Variants in POLR3E observed in about 807,000 individuals in gnomAD.
POLR3E encodes RNA polymerase III subunit E.
Under a neutral mutation model 96.6 loss-of-function variants are expected in POLR3E, and 41 were observed. That is an observed-to-expected ratio of 0.42 (90% CI 0.33 to 0.55). POLR3E has a LOEUF of 0.55. Among genes scored for constraint, POLR3E ranks in the 20% least tolerant of loss-of-function variants. The pLI is 0.06. For synonymous variants in POLR3E, 396 were observed against 383.6 expected (o/e 1.03, Z -0.38); for missense variants, 849 against 952.1 (o/e 0.89, Z 1.43).
At position 22,314,109 on chromosome 16, in the gene POLR3E, A is replaced by G. The variant is rs2048305435; in HGVS notation, c.503A>G (p.Asp168Gly). ...AGDSSQDEAEDDVKQITVRFS... is the reference protein window; with the variant it reads ...AGDSSQDEAEGDVKQITVRFS... ...GACTCTTCACAGGATGAGGCGGAAGACGATGTTAAGCAGATCACGGTGAGC... is the reference window on the plus strand; with the variant it reads ...GACTCTTCACAGGATGAGGCGGAAGGCGATGTTAAGCAGATCACGGTGAGC... The change falls in exon 8 of 21, where the codon GAC becomes GGC. Residue 168 changes from aspartate to glycine, a missense_variant. Physicochemically the swap from Asp to Gly is moderately conservative, Grantham distance 94. Transcript: ENST00000299853. The G allele has an allele frequency of 1.1e-5, 18 of 1,613,858 alleles. No homozygotes were observed. Among genetic ancestry groups the G allele is most frequent in the South Asian group, 3.3e-5 (3 of 91,056 alleles).
chr16:22,324,264 C>T, intron 14 of POLR3E, 90 bp from the exon 15 acceptor site: 2 of 1,046,972 alleles, frequency 1.9e-6, no homozygotes, highest in Admixed American at 1.8e-5. Context: ...GTCCCAGGCT[C>T]CAGCTCCCAG....
At chr16:22,311,268 C>CTTTTTTTTTTTTTTTTTTTTTTTTTTTT (rs57435708) in intron 6 of POLR3E, among the ~76,000 whole-genome samples, 1 of 109,464 alleles carries the variant, frequency 9.1e-6, no homozygotes, top group African/African-American at 3.6e-5. Flanking sequence ...TGTGCCCAGC[C>CTTTTTTTTTTTTTTTTTTTTTTTTTTTT]TTTTTTTTTT....
intron 1 of POLR3E, among the ~76,000 whole-genome samples, chr16:22,297,811 G>A (rs2047926731): frequency 6.6e-6 from 1 of 152,262 alleles, no homozygotes. Flanking sequence ...CCCTATCCGG[G>A]CCTGGGAGGC....
chr16:22,299,570 C>T (rs546747396), intron 1 of POLR3E, among the ~76,000 whole-genome samples: 8 of 151,786 alleles, frequency 5.3e-5, no homozygotes, highest in African/African-American at 1.4e-4. Flanking sequence ...TGCATCACCA[C>T]GCCTGGCTAA....
intron 13 of POLR3E, among the ~76,000 whole-genome samples, chr16:22,320,462 G>A (rs1299445996): frequency 6.6e-6 from 1 of 152,008 alleles, no homozygotes; most frequent in African/African-American, 2.4e-5. Flanking sequence ...GGGTTTTGCT[G>A]TGTTGGCCAG....
At chr16:22,325,490 G>A (rs2048561648) in intron 17 of POLR3E, 1 of 608,652 alleles carries the variant, frequency 1.6e-6, no homozygotes, top group Admixed American at 3.0e-5. Flanking sequence ...GCTGAGTCTG[G>A]GTTCCAGGTC....
rs1184518435 is a variant in POLR3E, at chr16:22,322,175, G to A, written c.987-675G>A. Among the ~76,000 whole-genome samples, 5 of 152,218 alleles carry A rather than the reference G, an allele frequency of 3.3e-5. No homozygotes were observed. The East Asian group carries it at 9.6e-4, about 29-fold the overall frequency. On this transcript the variant is annotated intron_variant, in intron 13 of 20. Coordinates refer to ENST00000299853, the MANE Select transcript of POLR3E (RefSeq NM_018119.4). The surrounding 1 kb of genome is among the most constrained non-coding windows in gnomAD (Gnocchi z 5.2). ...TGACAGTTGGTTGCCAGGTGGACCTGAGCAGGGGGAGGAGGAGGGCTTGGC... is the reference window on the plus strand; with the variant it reads ...TGACAGTTGGTTGCCAGGTGGACCTAAGCAGGGGGAGGAGGAGGGCTTGGC...
At chr16:22,317,842 G>A (rs1354805862) in intron 12 of POLR3E, among the ~76,000 whole-genome samples, 2 of 151,878 alleles carry the variant, frequency 1.3e-5, no homozygotes, top group African/African-American at 4.8e-5. Flanking sequence ...TGTCTTCACT[G>A]GCATTGCTTC....
chr16:22,317,718 T>G (rs1412660348), intron 12 of POLR3E, among the ~76,000 whole-genome samples: 1 of 151,804 alleles, frequency 6.6e-6, no homozygotes, highest in Non-Finnish European at 1.5e-5. Flanking sequence ...TTAAAGGTTT[T>G]GCTGTGTAAC....
intron 19 of POLR3E, among the ~76,000 whole-genome samples, chr16:22,331,231 G>A (rs1352780429): frequency 7.2e-5 from 11 of 151,928 alleles, no homozygotes; most frequent in African/African-American, 2.2e-4. Context: ...CGCCTGCCTC[G>A]GTCTCCCCAA....
intron 1 of POLR3E, chr16:22,298,958 G>A (rs2047964402): frequency 4.4e-6 from 2 of 455,794 alleles, no homozygotes; most frequent in Non-Finnish European, 8.8e-6. Flanking sequence ...CATAGTTGAG[G>A]AAACTGAAGC....
intron 20 of POLR3E, 46 bp from the exon 21 acceptor site, chr16:22,333,598 T>C (rs1295449609): frequency 7.6e-7 from 1 of 1,317,556 alleles, no homozygotes; most frequent in South Asian, 1.2e-5. Context: ...TGTAATTAGC[T>C]CCTTTTCCTG....
rs1259101441 is a variant in POLR3E at position 22,332,052 on chromosome 16, T to C, written c.1945-8T>C. On this transcript the variant is annotated splice_polypyrimidine_tract_variant and splice_region_variant and intron_variant, in intron 19 of 20. Coordinates refer to ENST00000299853, the MANE Select transcript of POLR3E (RefSeq NM_018119.4). ...GTTTCCCATCATAACGTGTTTTTGC[T>C]ACTAAAGCATCGACAGGTTTTGCTT... 6.2e-7 allele frequency: 1 copy of C among 1,612,982 alleles called. No homozygotes were observed. Among genetic ancestry groups the C allele is most frequent in the Non-Finnish European group, 8.5e-7 (1 of 1,179,462 alleles).
chr16:22,317,074 C>T (rs372716659), intron 11 of POLR3E, 35 bp downstream of exon 11: 39 of 1,613,622 alleles, frequency 2.4e-5, no homozygotes, highest in Middle Eastern at 3.3e-4. Flanking sequence ...TCTCCCTTTC[C>T]GGGCTGGCTG....
At chr16:22,328,441 G>A in intron 18 of POLR3E, 69 bp from the exon 19 acceptor site, 1 of 1,303,552 alleles carries the variant, frequency 7.7e-7, no homozygotes, top group South Asian at 1.2e-5. Flanking sequence ...CAGACAGGGA[G>A]GGATGAGGCA....
chr16:22,317,236 G>GC, intron 12 of POLR3E, 30 bp downstream of exon 12: 1 of 1,552,776 alleles, frequency 6.4e-7, no homozygotes, highest in Non-Finnish European at 8.8e-7. Flanking sequence ...CCACCCGGGG[G>GC]CCCCAGTCCC....
intron 2 of POLR3E, 29 bp downstream of exon 2, chr16:22,303,033 C>G: frequency 3.1e-6 from 5 of 1,606,820 alleles, no homozygotes; most frequent in Non-Finnish European, 4.3e-6. Flanking sequence ...CCCCTGCCGC[C>G]GGGGCTACAG....
intron 2 of POLR3E, among the ~76,000 whole-genome samples, chr16:22,304,624 A>C (rs77886393): frequency 0.032 from 4,911 of 151,434 alleles, 98 homozygotes; most frequent in Non-Finnish European, 0.049. Context: ...TGTGGTTTAT[A>C]GGAGGAGTTA....
At chr16:22,311,268 C>CT (rs57435708) in intron 6 of POLR3E, among the ~76,000 whole-genome samples, 84,057 of 109,390 alleles carry the variant, frequency 0.77, 36,991 homozygotes, top group Non-Finnish European at 0.96. Flanking sequence ...TGTGCCCAGC[C>CT]TTTTTTTTTT....
Sources: allele counts gnomAD v4.1 joint callset (sites outside exome capture counted in the v4.1 genomes callset), GRCh38; gene constraint gnomAD v4.1.1; non-coding constraint Gnocchi (gnomAD v3.1); transcripts MANE v1.5; gene names NCBI Gene and HGNC (gene_info 2026-07-23, HGNC 2026-07-21).